Variants in ASXL3 observed in about 807,000 individuals in gnomAD.
ASXL3 encodes ASXL transcriptional regulator 3.
ASXL3 carries 34 observed loss-of-function variants against 170.6 expected under a neutral mutation model. That is an observed-to-expected ratio of 0.20 (90% CI 0.15 to 0.27). ASXL3 has a LOEUF of 0.27. Ranked by LOEUF, ASXL3 falls within the 10% of genes least tolerant of loss-of-function variation. The probability of loss-of-function intolerance (pLI) is 1.00; values close to 1 mark genes in which losing one functional copy is unlikely to be tolerated. For missense variants in ASXL3, 2,592 were observed against 2,695.3 expected, an observed-to-expected ratio of 0.96 and a Z score of 0.85; for synonymous variants, 1,002 against 989.1, an observed-to-expected ratio of 1.01 and a Z score of -0.24.
intron 8 of ASXL3, among the ~76,000 whole-genome samples, chr18:33,720,970 A>G (rs1178646926): frequency 6.6e-6 from 1 of 151,874 alleles, no homozygotes; most frequent in Non-Finnish European, 1.5e-5. Flanking sequence ...TTGAAACTGA[A>G]TACCTGAAAC....
At chr18:33,703,759 A>G (rs1354230627) in intron 8 of ASXL3, among the ~76,000 whole-genome samples, 3 of 152,138 alleles carry the variant, frequency 2.0e-5, no homozygotes, top group African/African-American at 7.2e-5. Flanking sequence ...ATGGGTCAGA[A>G]CTTAAGTGAC....
chr18:33,619,800 A>G (rs780949724), intron 2 of ASXL3, among the ~76,000 whole-genome samples: 6 of 152,138 alleles, frequency 3.9e-5, no homozygotes, highest in East Asian at 1.9e-4. Flanking sequence ...GAAGGTGTCA[A>G]TTTCTACACT....
intron 4 of ASXL3, among the ~76,000 whole-genome samples, chr18:33,652,303 C>A (rs145895110): frequency 6.6e-6 from 1 of 152,124 alleles, no homozygotes; most frequent in African/African-American, 2.4e-5. Context: ...CTGCAGAACT[C>A]ATACATATTT....
chr18:33,616,056 T>G (rs2065417342), intron 2 of ASXL3, among the ~76,000 whole-genome samples: 1 of 152,168 alleles, frequency 6.6e-6, no homozygotes, highest in Non-Finnish European at 1.5e-5. Flanking sequence ...CTGTGTAATC[T>G]CTAATAAGTT....
chr18:33,605,905 A>G (rs562280837), intron 1 of ASXL3, among the ~76,000 whole-genome samples: 1 of 151,670 alleles, frequency 6.6e-6, no homozygotes, highest in African/African-American at 2.4e-5. Context: ...CCTCCTGCCC[A>G]TATCTTTTAT....
intron 10 of ASXL3, among the ~76,000 whole-genome samples, chr18:33,735,285 C>T (rs898285316): frequency 9.9e-5 from 15 of 152,252 alleles, no homozygotes; most frequent in African/African-American, 2.2e-4. Context: ...AGGAGTCTCA[C>T]GTGAGAGCTC....
rs372960988 is a variant in ASXL3 at position 33,734,299 on chromosome 18, T to A, written c.977-11T>A. On this transcript the variant is annotated splice_polypyrimidine_tract_variant and intron_variant, in intron 9 of 11. Transcript: ENST00000269197. ...CCACATTTATTCAATACATTAGCAT[T>A]TTCTTTTTAGGAGAGTTTACCCCAG... The A allele has an allele frequency of 1.4e-4, 221 of 1,574,332 alleles. No homozygotes were observed. Among genetic ancestry groups the A allele is most frequent in the Non-Finnish European group, 1.7e-4 (199 of 1,160,190 alleles).
intron 8 of ASXL3, among the ~76,000 whole-genome samples, chr18:33,717,755 T>A (rs915986734): frequency 1.3e-5 from 2 of 152,046 alleles, no homozygotes; most frequent in African/African-American, 4.8e-5. Context: ...TTTGGTTTAG[T>A]TTTTTTGGCC....
In ASXL3 at chr18:33,638,831, A is replaced by G. The variant is rs377759615; in HGVS notation, c.138-6063A>G. ...AGCCCAGGCACATTATAGATGCTCA[A>G]TAAATGGTAGCTATAGTAATAGATG... is the stretch of plus-strand genomic sequence containing the variant. On this transcript the variant is annotated intron_variant, in intron 2 of 11. Coordinates refer to ENST00000269197, the MANE Select transcript of ASXL3 (RefSeq NM_030632.3). Among the ~76,000 whole-genome samples the G allele has an allele frequency of 4.6e-5, 7 of 152,260 alleles. No individual in the cohort carries two copies. In the South Asian group the frequency reaches 1.4e-3, roughly 32 times the overall value.
chr18:33,734,452 A>C, intron 10 of ASXL3, 37 bp downstream of exon 10: 1 of 1,358,210 alleles, frequency 7.4e-7, no homozygotes, highest in Non-Finnish European at 1.0e-6. Flanking sequence ...TTCTCTGAGA[A>C]AGAAATGAAA....
chr18:33,632,023 G>A (rs2065685036), intron 2 of ASXL3, among the ~76,000 whole-genome samples: 1 of 152,050 alleles, frequency 6.6e-6, no homozygotes, highest in Non-Finnish European at 1.5e-5. Flanking sequence ...TTGGTATATT[G>A]AGTGATTTTT....
intron 1 of ASXL3, among the ~76,000 whole-genome samples, chr18:33,600,429 CTT>C (rs539854132): frequency 9.3e-4 from 142 of 152,170 alleles, no homozygotes; most frequent in African/African-American, 3.3e-3. Flanking sequence ...ACTGAAAAAA[CTT>C]TAATAGTTAC....
At chr18:33,603,914 A>G (rs146800019) in intron 1 of ASXL3, among the ~76,000 whole-genome samples, 4 of 152,052 alleles carry the variant, frequency 2.6e-5, no homozygotes, top group African/African-American at 9.7e-5. Context: ...TTGTGAAGAG[A>G]CAGTGATATG....
At chr18:33,720,204 AG>A (rs1387568402) in intron 8 of ASXL3, among the ~76,000 whole-genome samples, 1 of 152,012 alleles carries the variant, frequency 6.6e-6, no homozygotes, top group Non-Finnish European at 1.5e-5. Flanking sequence ...TTACCACTCT[AG>A]GTGCAAGGCT....
intron 1 of ASXL3, among the ~76,000 whole-genome samples, chr18:33,586,077 C>A (rs1049578555): frequency 3.9e-5 from 6 of 152,050 alleles, no homozygotes; most frequent in African/African-American, 1.2e-4. Flanking sequence ...TTCTAAGATA[C>A]TATTAACCAT....
intron 1 of ASXL3, among the ~76,000 whole-genome samples, chr18:33,585,988 AT>A (rs200799275): frequency 0.019 from 2,889 of 152,314 alleles, 92 homozygotes; most frequent in African/African-American, 0.066. Context: ...ATTTAAAAAA[AT>A]CAAAGTCAAT....
chr18:33,616,577 A>G (rs961352431), intron 2 of ASXL3: 4 of 152,188 alleles, frequency 2.6e-5, no homozygotes, highest in Non-Finnish European at 5.9e-5. Flanking sequence ...ATTACTATTA[A>G]GTCCTCCCAG....
chr18:33,736,353 T>TTTG (rs201709170), intron 10 of ASXL3, among the ~76,000 whole-genome samples: 17 of 152,230 alleles, frequency 1.1e-4, no homozygotes, highest in African/African-American at 4.1e-4. Flanking sequence ...CCCTTTTTTT[T>TTTG]GCTGTAGTTT....
At chr18:33,647,117 T>C (rs2065928132) in intron 4 of ASXL3, among the ~76,000 whole-genome samples, 1 of 152,086 alleles carries the variant, frequency 6.6e-6, no homozygotes, top group African/African-American at 2.4e-5. Flanking sequence ...AGTAGACTCA[T>C]AGGAATCAGT....
Sources: allele counts gnomAD v4.1 joint callset (sites outside exome capture counted in the v4.1 genomes callset), GRCh38; gene constraint gnomAD v4.1.1; transcripts MANE v1.5; gene names NCBI Gene and HGNC (gene_info 2026-07-23, HGNC 2026-07-21).